FAAH2: variants seen among roughly 807,000 people sequenced by gnomAD.
FAAH2 encodes fatty acid amide hydrolase 2.
In FAAH2, 60 loss-of-function variants were observed where a neutral mutation model predicts 36.9. The ratio of observed to expected loss-of-function variants is 1.63; its 90% CI spans 1.32 to 2.02. FAAH2 has a LOEUF of 2.02. FAAH2 is among the 30% of genes most tolerant of loss of function. FAAH2 has a pLI of 0.00. For synonymous variants in FAAH2, 214 were observed against 143.8 expected, an observed-to-expected ratio of 1.49 and a Z score of -3.49; for missense variants, 689 against 397.5, an observed-to-expected ratio of 1.73 and a Z score of -6.23.
chrX:57,230,818 G>A, the FAAH2 span, among the ~76,000 whole-genome samples: 23 of 111,032 alleles, frequency 2.1e-4, no homozygotes, highest in Non-Finnish European at 3.8e-4. Context: ...CACATACTAA[G>A]CATAATTATT....
chrX:57,302,439 C>G (rs773860268), intron 2 of FAAH2, among the ~76,000 whole-genome samples: 2 of 111,481 alleles, frequency 1.8e-5, no homozygotes, highest in African/African-American at 6.5e-5. Flanking sequence ...AAGATAAACA[C>G]AACAGTCCCT....
In FAAH2 at chrX:57,479,879, A is replaced by G. The variant is rs955750307; in HGVS notation, c.1424-8878A>G. Among the ~76,000 whole-genome samples, 4 of 111,751 alleles carry G rather than the reference A, an allele frequency of 3.6e-5. No homozygotes were observed. The East Asian group carries it at 1.1e-3, about 31-fold the overall frequency. On this transcript the variant is annotated intron_variant, in intron 10 of 10. Transcript: ENST00000374900. The stretch of plus-strand genomic sequence containing the variant: ...TAGACCACTAGCAAGACTAATAAAG[A>G]AGAAAAGAGAGAAGAATCAAATAGA...
At chrX:57,270,983 G>A in the FAAH2 span, among the ~76,000 whole-genome samples, 5 of 111,945 alleles carry the variant, frequency 4.5e-5, no homozygotes, top group Non-Finnish European at 9.4e-5. Context: ...AGACAGAACC[G>A]TTCACTCCCC....
chrX:57,468,041 G>A (rs760008328), intron 10 of FAAH2, among the ~76,000 whole-genome samples: 8 of 111,929 alleles, frequency 7.1e-5, no homozygotes, highest in East Asian at 2.8e-4. Flanking sequence ...GATGGTCTAC[G>A]CTGTTAGAAG....
intron 8 of FAAH2, among the ~76,000 whole-genome samples, chrX:57,442,063 T>C (rs778705592): frequency 8.9e-6 from 1 of 111,757 alleles, no homozygotes; most frequent in African/African-American, 3.3e-5. Context: ...TGTGATGTGG[T>C]GCTGAGAATA....
chrX:57,429,846 A>G (rs546777469), intron 7 of FAAH2, among the ~76,000 whole-genome samples: 1 of 110,617 alleles, frequency 9.0e-6, no homozygotes. Flanking sequence ...GTATTCAGCC[A>G]TTAAAAAAGA....
At chrX:57,466,164 A>C (rs1171727712) in intron 10 of FAAH2, among the ~76,000 whole-genome samples, 2 of 100,462 alleles carry the variant, frequency 2.0e-5, no homozygotes, top group African/African-American at 7.3e-5. Context: ...CTCTATATAT[A>C]TATATATATA....
intron 7 of FAAH2, among the ~76,000 whole-genome samples, chrX:57,402,363 G>A (rs1489186298): frequency 2.7e-5 from 3 of 111,977 alleles, no homozygotes; most frequent in African/African-American, 6.5e-5. Flanking sequence ...CAGCTTTTCC[G>A]TGTTCCAGAG....
the FAAH2 span, among the ~76,000 whole-genome samples, chrX:57,155,446 A>C: frequency 5.4e-5 from 6 of 111,562 alleles, no homozygotes; most frequent in East Asian, 1.7e-3. Context: ...AAGTTGGGGA[A>C]GCTGGCAGTT....
At chrX:57,471,352 G>C (rs1039827444) in intron 10 of FAAH2, among the ~76,000 whole-genome samples, 2 of 111,997 alleles carry the variant, frequency 1.8e-5, no homozygotes, top group African/African-American at 6.5e-5. Flanking sequence ...AATCCCCATT[G>C]TCTCAACCCA....
intron 5 of FAAH2, among the ~76,000 whole-genome samples, chrX:57,363,710 A>G (rs1195956960): frequency 1.8e-5 from 2 of 110,834 alleles, no homozygotes; most frequent in African/African-American, 6.6e-5. Context: ...TTTTTCAATG[A>G]TGGTTCTTAT....
chrX:57,427,427 C>T (rs1467799875), intron 7 of FAAH2, among the ~76,000 whole-genome samples: 1 of 110,911 alleles, frequency 9.0e-6, no homozygotes, highest in East Asian at 2.8e-4. Context: ...AACAAAGCCA[C>T]ATATAAACAT....
At chrX:57,181,492 A>C in the FAAH2 span, among the ~76,000 whole-genome samples, 1 of 111,682 alleles carries the variant, frequency 9.0e-6, no homozygotes, top group Non-Finnish European at 1.9e-5. Context: ...ATTTCCATAA[A>C]AAATAAAATA....
intron 7 of FAAH2, among the ~76,000 whole-genome samples, chrX:57,388,447 A>T (rs1389334957): frequency 9.0e-6 from 1 of 111,125 alleles, no homozygotes; most frequent in African/African-American, 3.3e-5. Context: ...AAAATATGCC[A>T]AGGCCTTGTG....
At chrX:57,377,082 G>C (rs887473119) in intron 5 of FAAH2, among the ~76,000 whole-genome samples, 5 of 112,238 alleles carry the variant, frequency 4.5e-5, no homozygotes, top group African/African-American at 1.6e-4. Context: ...TTGCAAAAAT[G>C]TTCTCCTATT....
chrX:57,302,520 G>A (rs1400310090), intron 2 of FAAH2, among the ~76,000 whole-genome samples: 1 of 111,179 alleles, frequency 9.0e-6, no homozygotes, highest in African/African-American at 3.3e-5. Flanking sequence ...AGTGGAATTA[G>A]TGCTCTGATA....
the FAAH2 span, among the ~76,000 whole-genome samples, chrX:57,199,847 T>G: frequency 8.9e-6 from 1 of 112,449 alleles, no homozygotes; most frequent in East Asian, 2.8e-4. Context: ...AGAAATCTTC[T>G]TTGACTCTTC....
intron 5 of FAAH2, among the ~76,000 whole-genome samples, chrX:57,360,850 C>T (rs774606578): frequency 5.4e-5 from 6 of 110,407 alleles, no homozygotes; most frequent in South Asian, 3.9e-4. Context: ...CGACAGGCCC[C>T]GGTGTGTGTT....
At chrX:57,125,862 T>C in the FAAH2 span, among the ~76,000 whole-genome samples, 6 of 111,827 alleles carry the variant, frequency 5.4e-5, no homozygotes, top group African/African-American at 1.9e-4. Flanking sequence ...TCAGTAGTGG[T>C]TTGAAAAAGA....
Sources: allele counts gnomAD v4.1 joint callset (sites outside exome capture counted in the v4.1 genomes callset), GRCh38; gene constraint gnomAD v4.1.1; transcripts MANE v1.5; gene names NCBI Gene and HGNC (gene_info 2026-07-23, HGNC 2026-07-21).